Variants in BRI3BP observed in about 807,000 individuals in gnomAD.
The protein encoded by BRI3BP is BRI3-binding protein.
In BRI3BP, 7 loss-of-function variants were observed where a neutral mutation model predicts 15.8. The observed-to-expected ratio is 0.44, with a 90% confidence interval of 0.25 to 0.83. The LOEUF (loss-of-function observed/expected upper bound fraction) is 0.83, where lower values mean the gene tolerates loss of function less well. Among genes scored for constraint, BRI3BP ranks in the 40% least tolerant of loss-of-function variants. The pLI is 0.20. For synonymous variants in BRI3BP, 192 were observed against 163.5 expected, an observed-to-expected ratio of 1.17 and a Z score of -1.33; for missense variants, 320 against 339.3, an observed-to-expected ratio of 0.94 and a Z score of 0.45.
intron 2 of BRI3BP, 109 bp from the exon 3 acceptor site, chr12:125,024,882 T>C: frequency 1.1e-6 from 1 of 944,286 alleles, no homozygotes; most frequent in Non-Finnish European, 1.6e-6. Context: ...CTTTGGTTGT[T>C]GCAAAGGCCT....
chr12:125,007,381 C>G (rs1279051142), intron 1 of BRI3BP, among the ~76,000 whole-genome samples: 1 of 152,078 alleles, frequency 6.6e-6, no homozygotes, highest in African/African-American at 2.4e-5. Context: ...AAAACCCTGT[C>G]TCTACTATTT....
At chr12:125,012,151 T>G (rs1350582814) in intron 1 of BRI3BP, among the ~76,000 whole-genome samples, 1 of 152,106 alleles carries the variant, frequency 6.6e-6, no homozygotes, top group Non-Finnish European at 1.5e-5. Context: ...ACCACTGCAC[T>G]CCAGCCTGGT....
At chr12:125,035,985 A>G (rs1955437707), downstream of BRI3BP, among the ~76,000 whole-genome samples, 1 of 152,120 alleles carries the variant, frequency 6.6e-6, no homozygotes, top group Admixed American at 6.6e-5. Context: ...AACCAAGTCA[A>G]TAGTCCATGG....
chr12:125,048,610 T>C, the BRI3BP span, among the ~76,000 whole-genome samples: 2 of 151,602 alleles, frequency 1.3e-5, no homozygotes, highest in African/African-American at 4.9e-5. Context: ...AAATGATGAG[T>C]TAATGGGTGC....
At chr12:125,006,639 G>A (rs539641765) in intron 1 of BRI3BP, among the ~76,000 whole-genome samples, 2 of 152,310 alleles carry the variant, frequency 1.3e-5, no homozygotes, top group South Asian at 4.1e-4. Flanking sequence ...CAGCTGCTCC[G>A]ACACGCTGGG....
chr12:125,025,382 C>T lies in BRI3BP; in HGVS notation c.708C>T (p.Ile236=), dbSNP rs1015179376. Residue 236 remains isoleucine (I), a synonymous_variant, in exon 3 of 3, where the codon ATC becomes ATT. Coordinates refer to ENST00000341446, the MANE Select transcript of BRI3BP (RefSeq NM_080626.6). ...HLEKQVRLLN[I]RLNRVLESLD... Reference sequence around the variant, plus strand: ...AGAAGCAGGTCAGACTGCTCAACATCCGTCTCAACCGGGTGCTCGAGAGCC... The same window carrying T: ...AGAAGCAGGTCAGACTGCTCAACATTCGTCTCAACCGGGTGCTCGAGAGCC... 1.2e-6 allele frequency: 2 copies of T among 1,610,826 alleles called. No homozygotes were observed. Among genetic ancestry groups the T allele is most frequent in the African/African-American group, 1.3e-5 (1 of 74,900 alleles).
At chr12:125,013,246 CTAGT>C (rs1478753670) in intron 2 of BRI3BP, among the ~76,000 whole-genome samples, 1 of 152,104 alleles carries the variant, frequency 6.6e-6, no homozygotes, top group Non-Finnish European at 1.5e-5. Context: ...CAAGAAATGA[CTAGT>C]TATTTAGGCA....
chr12:125,013,530 G>A (rs1383105302), intron 2 of BRI3BP, among the ~76,000 whole-genome samples: 1 of 152,192 alleles, frequency 6.6e-6, no homozygotes, highest in Non-Finnish European at 1.5e-5. Flanking sequence ...TTCCAAAGTC[G>A]TGTGTGTATG....
chr12:125,018,671 CTT>C (rs1035589414), intron 2 of BRI3BP, among the ~76,000 whole-genome samples: 9 of 136,410 alleles, frequency 6.6e-5, no homozygotes, highest in East Asian at 2.1e-4. Context: ...AACTTCTGTT[CTT>C]TTTTTTTTTT....
intron 2 of BRI3BP, among the ~76,000 whole-genome samples, chr12:125,014,293 G>T (rs1955221705): frequency 6.6e-6 from 1 of 152,128 alleles, no homozygotes; most frequent in Non-Finnish European, 1.5e-5. Flanking sequence ...CCACCGCCCT[G>T]GTCCCTGGTC....
chr12:125,034,879 C>T (rs141900187), downstream of BRI3BP, among the ~76,000 whole-genome samples: 65 of 152,284 alleles, frequency 4.3e-4, no homozygotes, highest in African/African-American at 1.4e-3. Context: ...TGAACCACCG[C>T]GCCCGGCCCT....
At chr12:125,022,563 T>C (rs1391875169) in intron 2 of BRI3BP, among the ~76,000 whole-genome samples, 1 of 148,370 alleles carries the variant, frequency 6.7e-6, no homozygotes, top group African/African-American at 2.5e-5. Context: ...AGAGCCTCAC[T>C]GTGTCTCAGG....
At chr12:125,032,631 A>G (rs1348878769), downstream of BRI3BP, among the ~76,000 whole-genome samples, 1 of 151,616 alleles carries the variant, frequency 6.6e-6, no homozygotes, top group East Asian at 1.9e-4. Context: ...AGTTGGGTGC[A>G]GTGGCGCCTG....
chr12:124,999,550 A>T (rs372434760), intron 1 of BRI3BP, among the ~76,000 whole-genome samples: 51 of 151,388 alleles, frequency 3.4e-4, no homozygotes, highest in African/African-American at 1.2e-3. Context: ...CAGCCTCTCA[A>T]GTAGCTGGGA....
intron 1 of BRI3BP, among the ~76,000 whole-genome samples, chr12:125,011,868 G>A (rs532380264): frequency 2.4e-4 from 37 of 152,288 alleles, no homozygotes; most frequent in African/African-American, 8.4e-4. Context: ...CAGCTTCCTT[G>A]GAGCAGAAAC....
At position 125,024,656 on chromosome 12, in the gene BRI3BP, G is replaced by T. The variant is rs537093012; in HGVS notation, c.317-335G>T. ...CTCTACTAAAGATACAAAATTAGCC[G>T]GGTGTGGTGGCGCATGCCTGTAATC... On this transcript the variant is annotated intron_variant, in intron 2 of 2. Coordinates refer to ENST00000341446, the MANE Select transcript of BRI3BP (RefSeq NM_080626.6). 1.8e-4 allele frequency among the ~76,000 whole-genome samples: 27 copies of T among 152,202 alleles called. No individual in the cohort carries two copies. The East Asian group carries it at 5.2e-3, about 30-fold the overall frequency.
Position 125,025,538 on chromosome 12 carries a change from C to G in BRI3BP, c.*108C>G, listed in dbSNP as rs1235010296. On this transcript the variant is annotated 3_prime_UTR_variant, in exon 3 of 3. Transcript: ENST00000341446. ...AACAATCTTAATAAACACGACTGAG[C>G]AAGAAAGTGGCGCTGTGTAGGGCTA... 2.5e-6 allele frequency: 3 copies of G among 1,188,914 alleles called. No individual in the cohort carries two copies. Among genetic ancestry groups the G allele is most frequent in the East Asian group, 5.2e-5 (2 of 38,754 alleles). The allele number at this position is 1,188,914 out of a possible 1,614,324, so 73.6% of individuals were successfully genotyped here. A position where few individuals can be genotyped will look rare whatever the true frequency, so the allele number is the denominator to read the frequency against.
chr12:125,045,500 A>G, the BRI3BP span, among the ~76,000 whole-genome samples: 2 of 152,024 alleles, frequency 1.3e-5, no homozygotes, highest in Non-Finnish European at 2.9e-5. Context: ...CGCCCGGCTA[A>G]TTTTTGTATT....
the BRI3BP span, among the ~76,000 whole-genome samples, chr12:125,036,282 T>C: frequency 6.6e-6 from 1 of 151,624 alleles, no homozygotes; most frequent in Middle Eastern, 3.2e-3. Flanking sequence ...GTCAGACTGG[T>C]CTCAAACTCC....
Sources: gnomAD v4.1 joint callset for allele counts (sites outside exome capture counted in the v4.1 genomes callset) on GRCh38, gnomAD v4.1.1 for gene constraint, MANE v1.5 for transcripts, NCBI Gene and HGNC (gene_info 2026-07-23, HGNC 2026-07-21) for gene names.